Variants in POTEC observed in about 807,000 individuals in gnomAD.
The protein encoded by POTEC is POTE ankyrin domain family member C, also known as ANKRD26-like family B member 2.
POTEC carries 35 observed loss-of-function variants against 62.0 expected under a neutral mutation model. That is an observed-to-expected ratio of 0.56 (90% CI 0.43 to 0.75). The LOEUF (loss-of-function observed/expected upper bound fraction) is 0.75, where lower values mean the gene tolerates loss of function less well. POTEC is among the 30% of genes least tolerant of loss of function. The pLI is 0.00. For missense variants in POTEC, 472 were observed against 655.9 expected (o/e 0.72, Z 3.06); for synonymous variants, 156 against 221.5 (o/e 0.70, Z 2.62).
intron 1 of POTEC, among the ~76,000 whole-genome samples, chr18:14,539,193 A>T (rs1905849195): frequency 6.6e-6 from 1 of 151,814 alleles, no homozygotes; most frequent in African/African-American, 2.4e-5. Flanking sequence ...AGATATTTCT[A>T]ATCATTCATA....
chr18:14,542,811 G>C lies in POTEC; in HGVS notation c.336C>G (p.Ser112Arg), dbSNP rs754562772. 29 of 1,613,320 alleles carry C rather than the reference G, an allele frequency of 1.8e-5. No individual in the cohort carries two copies. Among genetic ancestry groups the C allele is most frequent in the Non-Finnish European group, 2.2e-5 (26 of 1,179,640 alleles). ...CCHCFPCCRG[S>R]GKSNVGAWGD... is the part of the protein sequence containing the mutation. ...CCCAAGCGCCCACGTTGCTCTTGCC[G>C]CTCCCCCTGCAGCAGGGGAAGCAGT... Residue 112 changes from serine (S) to arginine (R), a missense_variant, in exon 1 of 11, where the codon AGC (serine) becomes AGG (arginine). Around this residue, in one of 5 missense-constraint regions of POTEC, gnomAD observed 257 missense variants for 250.7 expected, o/e 1.03. Transcript: ENST00000358970.
Position 14,508,742 on chromosome 18 carries a change from G to T in POTEC, c.*3156C>A, listed in dbSNP as rs1336388103. 6 of 152,538 alleles carry T rather than the reference G, an allele frequency of 3.9e-5. No individual in the cohort carries two copies. The highest frequency in any genetic ancestry group is 5.9e-5 in the Non-Finnish European group (4 of 68,044). 9.4% of individuals were successfully genotyped at this position (152,538 alleles called of 1,614,324 possible). On this transcript the variant is annotated 3_prime_UTR_variant, in exon 11 of 11. Transcript: ENST00000358970. ...TATCATTTCAGACATCTCAGCCTCA[G>T]CCCAGTTCTGAACACTTGCTGGAGA...
intron 6 of POTEC, among the ~76,000 whole-genome samples, chr18:14,526,817 G>A (rs995541157): frequency 2.6e-5 from 4 of 152,074 alleles, no homozygotes; most frequent in African/African-American, 7.2e-5. Flanking sequence ...TTCAAGAGTG[G>A]TCCCTGGTCC....
intron 9 of POTEC, among the ~76,000 whole-genome samples, chr18:14,520,186 T>C (rs1468315622): frequency 6.6e-6 from 1 of 152,138 alleles, no homozygotes; most frequent in African/African-American, 2.4e-5. Context: ...AGACAAATAG[T>C]TTCAAATTTT....
At chr18:14,521,865 G>C (rs986682499) in intron 9 of POTEC, among the ~76,000 whole-genome samples, 4 of 152,140 alleles carry the variant, frequency 2.6e-5, no homozygotes, top group African/African-American at 9.7e-5. Context: ...AGGGTGGAGT[G>C]TGGCAGGAGG....
chr18:14,513,573 G>A (rs1910070570), intron 10 of POTEC, 89 bp downstream of exon 10: 4 of 1,503,388 alleles, frequency 2.7e-6, no homozygotes, highest in Non-Finnish European at 3.6e-6. Context: ...GTATATATGT[G>A]ATTTAAAAAT....
At chr18:14,518,095 A>C (rs1046200657) in intron 9 of POTEC, among the ~76,000 whole-genome samples, 1 of 152,256 alleles carries the variant, frequency 6.6e-6, no homozygotes, top group Non-Finnish European at 1.5e-5. Context: ...AAACATTTTT[A>C]AAGTGAGAAT....
In POTEC at chr18:14,509,859, TTC is replaced by T. The variant is rs1486735155; in HGVS notation, c.*2037_*2038del. 1 of 144,698 alleles carries T rather than the reference TTC, an allele frequency of 6.9e-6. No individual in the cohort carries two copies. Among genetic ancestry groups the T allele is most frequent in the African/African-American group, 2.6e-5 (1 of 38,196 alleles). 9.0% of individuals were successfully genotyped at this position (144,698 alleles called of 1,614,324 possible). A position where few individuals can be genotyped will look rare whatever the true frequency, so the allele number is the denominator to read the frequency against. On this transcript the variant is annotated 3_prime_UTR_variant, in exon 11 of 11. Transcript: ENST00000358970. ...CTGCTCTACACAAACGTGGCCAGAC[TTC>T]TTTTTTAAGCAAGTCCCCTTTTTTA...
At chr18:14,524,602 A>C (rs1406901089) in intron 7 of POTEC, among the ~76,000 whole-genome samples, 2 of 152,156 alleles carry the variant, frequency 1.3e-5, no homozygotes, top group Non-Finnish European at 2.9e-5. Context: ...ATTAGCTATA[A>C]GCTAATCAAA....
Position 14,507,349 on chromosome 18 carries a change from T to C in POTEC, c.*4549A>G, listed in dbSNP as rs889874107. On this transcript the variant is annotated 3_prime_UTR_variant, in exon 11 of 11. Transcript: ENST00000358970. ...GCCCAGCCCTCTGTCTTTTTTTTTT[T>C]TTAAATCTTTATTGGTATAGTCTGT... 31 of 151,910 alleles carry C rather than the reference T, an allele frequency of 2.0e-4. No homozygotes were observed. Among genetic ancestry groups the C allele is most frequent in the African/African-American group, 7.3e-4 (30 of 41,342 alleles). The allele number at this position is 151,910 out of a possible 1,614,324, so 9.4% of individuals were successfully genotyped here. A position where few individuals can be genotyped will look rare whatever the true frequency, so the allele number is the denominator to read the frequency against.
rs758407634 is a variant in POTEC, at chr18:14,530,559, TA to T, written c.1056-7del. On this transcript the variant is annotated splice_polypyrimidine_tract_variant and splice_region_variant and intron_variant, in intron 5 of 10. Coordinates refer to ENST00000358970, the MANE Select transcript of POTEC (RefSeq NM_001137671.2). ...CAGAAAGTAATTCACAAATTCTATG[TA>T]TAAAAATGTAATAAACCAAATTACT... 1 of 1,563,232 alleles carries T rather than the reference TA, an allele frequency of 6.4e-7. No individual in the cohort carries two copies. Among genetic ancestry groups the T allele is most frequent in the Non-Finnish European group, 8.7e-7 (1 of 1,152,036 alleles).
rs1905464766 is a variant in POTEC at position 14,530,335 on chromosome 18, C to T, written c.1126+148G>A. ...ATGATGTAATAATAATATAAAGTAG[C>T]ACAATAAATGAAACATGGCTGAATA... On this transcript the variant is annotated intron_variant, in intron 6 of 10. Coordinates refer to ENST00000358970, the MANE Select transcript of POTEC (RefSeq NM_001137671.2). 6.3e-6 allele frequency: 6 copies of T among 955,772 alleles called. No homozygotes were observed. The Admixed American group carries it at 1.4e-4, about 23-fold the overall frequency. 59.2% of individuals were successfully genotyped at this position (955,772 alleles called of 1,614,324 possible).
chr18:14,533,906 T>TG (rs1905615866), intron 4 of POTEC, among the ~76,000 whole-genome samples: 2 of 151,940 alleles, frequency 1.3e-5, no homozygotes, highest in South Asian at 4.1e-4. Context: ...AGCTAGTTTT[T>TG]TTTTTGTTTT....
intron 5 of POTEC, among the ~76,000 whole-genome samples, chr18:14,532,092 T>A (rs903169148): frequency 6.6e-6 from 1 of 151,666 alleles, no homozygotes; most frequent in Admixed American, 6.6e-5. Flanking sequence ...TGCCTCACAG[T>A]ATAGATCTGG....
At position 14,543,503 on chromosome 18, in the gene POTEC, C is replaced by A; in HGVS notation, c.-357G>T. ...GAAACGCCAATCCAAGCAAGAAACA[C>A]CAGGCAAAGCGACTAACGCCAAGCC... On this transcript the variant is annotated 5_prime_UTR_variant, in exon 1 of 11. Coordinates refer to ENST00000358970, the MANE Select transcript of POTEC (RefSeq NM_001137671.2). The A allele has an allele frequency of 2.3e-6, 1 of 431,778 alleles. No homozygotes were observed. The highest frequency in any genetic ancestry group is 4.2e-5 in the Admixed American group (1 of 24,076). The allele number at this position is 431,778 out of a possible 1,614,324, so 26.7% of individuals were successfully genotyped here. A position where few individuals can be genotyped will look rare whatever the true frequency, so the allele number is the denominator to read the frequency against.
At chr18:14,515,658 A>G (rs1347217914) in intron 9 of POTEC, among the ~76,000 whole-genome samples, 1 of 66,080 alleles carries the variant, frequency 1.5e-5, no homozygotes, top group Admixed American at 1.5e-4. Context: ...ATAAACAAAT[A>G]AATAAATAAA....
intron 6 of POTEC, chr18:14,528,882 CAA>C (rs1910507152): frequency 2.2e-6 from 1 of 448,968 alleles, no homozygotes; most frequent in African/African-American, 2.0e-5. Context: ...TTGGTACTAG[CAA>C]AAGTGAACTG....
In POTEC at chr18:14,515,373, T is replaced by C. The variant is rs199703817; in HGVS notation, c.1410-1588A>G. ...AGATACACAGATCAATGGAACAGAA[T>C]AGACAACTCAGAAAAAAGGCCACTT... On this transcript the variant is annotated intron_variant, in intron 9 of 10. Coordinates refer to ENST00000358970, the MANE Select transcript of POTEC (RefSeq NM_001137671.2). Among the ~76,000 whole-genome samples, 1,043 of 152,104 alleles carry C rather than the reference T, an allele frequency of 6.9e-3. 15 individuals are homozygous for C. Among genetic ancestry groups the C allele is most frequent in the South Asian group, 0.04 (195 of 4,816 alleles).
chr18:14,538,273 G>C (rs746053354), intron 1 of POTEC, 24 bp from the exon 2 acceptor site: 1 of 1,608,092 alleles, frequency 6.2e-7, no homozygotes. Context: ...AAGACTTCAG[G>C]AAATTGTAGT....
Sources: allele counts gnomAD v4.1 joint callset (sites outside exome capture counted in the v4.1 genomes callset), GRCh38; gene constraint gnomAD v4.1.1; regional missense constraint gnomAD v4.1.1; transcripts MANE v1.5; gene names NCBI Gene and HGNC (gene_info 2026-07-23, HGNC 2026-07-21).